The following CACNG3 variants were observed in gnomAD, a reference collection of about 807,000 sequenced individuals.
CACNG3 encodes the protein voltage-dependent calcium channel gamma-3 subunit.
In CACNG3, 3 loss-of-function variants were observed where a neutral mutation model predicts 28.5. That is an observed-to-expected ratio of 0.11 (90% CI 0.05 to 0.27). CACNG3 has a LOEUF of 0.27. Among genes scored for constraint, CACNG3 ranks in the 10% least tolerant of loss-of-function variants. CACNG3 has a pLI of 1.00. For synonymous variants in CACNG3, 174 were observed against 162.2 expected, an observed-to-expected ratio of 1.07 and a Z score of -0.55; for missense variants, 236 against 414.4, an observed-to-expected ratio of 0.57 and a Z score of 3.74.
chr16:24,344,568 G>T (rs1899834679), intron 1 of CACNG3, among the ~76,000 whole-genome samples: 1 of 152,162 alleles, frequency 6.6e-6, no homozygotes, highest in Non-Finnish European at 1.5e-5. Context: ...ATATGAACAA[G>T]CATGAATAAG....
At chr16:24,347,408 A>G (rs889419901) in intron 2 of CACNG3, among the ~76,000 whole-genome samples, 4 of 152,198 alleles carry the variant, frequency 2.6e-5, no homozygotes, top group African/African-American at 9.6e-5. Context: ...GCAGGAAGGA[A>G]GACAGAAAAG....
chr16:24,335,665 A>T (rs939210929), intron 1 of CACNG3, among the ~76,000 whole-genome samples: 2 of 152,164 alleles, frequency 1.3e-5, no homozygotes, highest in Non-Finnish European at 2.9e-5. Flanking sequence ...TCCTCAGCTC[A>T]TCCTATGACC....
intron 1 of CACNG3, among the ~76,000 whole-genome samples, chr16:24,325,579 A>G (rs759447720): frequency 5.3e-5 from 8 of 152,248 alleles, no homozygotes; most frequent in Non-Finnish European, 1.0e-4. Context: ...GAAGGTGCCC[A>G]GTACTGTTAT....
At chr16:24,257,364 G>GGC (rs1898473420) in intron 1 of CACNG3, among the ~76,000 whole-genome samples, 1 of 80,986 alleles carries the variant, frequency 1.2e-5, no homozygotes, top group Non-Finnish European at 2.8e-5. Context: ...AAAGAAGTGA[G>GGC]GGGGGAGAGA....
At chr16:24,332,274 A>G (rs995755605) in intron 1 of CACNG3, among the ~76,000 whole-genome samples, 4 of 152,148 alleles carry the variant, frequency 2.6e-5, no homozygotes, top group African/African-American at 7.2e-5. Context: ...CCAACTGGAC[A>G]ACATAGTGAG....
At chr16:24,323,341 T>C (rs1309477681) in intron 1 of CACNG3, among the ~76,000 whole-genome samples, 1 of 152,054 alleles carries the variant, frequency 6.6e-6, no homozygotes, top group South Asian at 2.1e-4. Context: ...CTGCCTATAC[T>C]AGACCCTAGC....
chr16:24,359,414 C>T (rs1253913599), intron 3 of CACNG3, among the ~76,000 whole-genome samples: 3 of 152,064 alleles, frequency 2.0e-5, no homozygotes, highest in African/African-American at 7.2e-5. Context: ...TGTGTCAAAC[C>T]CCATAATAAG....
chr16:24,280,454 T>C (rs1026885071), intron 1 of CACNG3, among the ~76,000 whole-genome samples: 4 of 152,162 alleles, frequency 2.6e-5, no homozygotes. Flanking sequence ...GATCGTCATT[T>C]CTAATTGTGC....
chr16:24,324,476 G>A (rs998367969), intron 1 of CACNG3, among the ~76,000 whole-genome samples: 1 of 152,082 alleles, frequency 6.6e-6, no homozygotes, highest in Non-Finnish European at 1.5e-5. Context: ...AACACACCAA[G>A]TCTCATTGGC....
intron 1 of CACNG3, among the ~76,000 whole-genome samples, chr16:24,335,818 G>A (rs1456652593): frequency 6.6e-6 from 1 of 152,052 alleles, no homozygotes; most frequent in Non-Finnish European, 1.5e-5. Context: ...GCTCACGCCT[G>A]TAATCTCAGA....
At chr16:24,317,708 G>GA (rs1374325646) in intron 1 of CACNG3, among the ~76,000 whole-genome samples, 1 of 108,500 alleles carries the variant, frequency 9.2e-6, no homozygotes, top group East Asian at 2.7e-4. Context: ...AAGAAAGAAA[G>GA]AAAGAAAAGA....
At chr16:24,326,167 CTTTTTTCTTT>C (rs1899539025) in intron 1 of CACNG3, among the ~76,000 whole-genome samples, 2 of 92,726 alleles carry the variant, frequency 2.2e-5, no homozygotes, top group Non-Finnish European at 2.3e-5. Flanking sequence ...TTTGTTTTTT[CTTTTTTCTTT>C]TTTTTTTTTT....
At chr16:24,303,059 G>T (rs1273150254) in intron 1 of CACNG3, among the ~76,000 whole-genome samples, 3 of 152,064 alleles carry the variant, frequency 2.0e-5, no homozygotes, top group Non-Finnish European at 4.4e-5. Context: ...TTCCCAAAAG[G>T]TTGGGATAAC....
At chr16:24,280,914 T>C (rs568939259) in intron 1 of CACNG3, among the ~76,000 whole-genome samples, 1 of 151,086 alleles carries the variant, frequency 6.6e-6, no homozygotes, top group African/African-American at 2.4e-5. Flanking sequence ...AATAATATGG[T>C]TGTATAACCT....
At chr16:24,257,856 T>A (rs2238496) in intron 1 of CACNG3, among the ~76,000 whole-genome samples, 35,944 of 152,122 alleles carry the variant, frequency 0.24, 4,723 homozygotes, top group Non-Finnish European at 0.31. Flanking sequence ...TTGTAGCCTA[T>A]CACACTATTA....
At chr16:24,257,621 C>A (rs1898484721) in intron 1 of CACNG3, among the ~76,000 whole-genome samples, 1 of 152,100 alleles carries the variant, frequency 6.6e-6, no homozygotes, top group Admixed American at 6.5e-5. Flanking sequence ...CTTATTGATA[C>A]ATGTTTTATT....
chr16:24,320,909 T>A (rs1899446916), intron 1 of CACNG3, among the ~76,000 whole-genome samples: 1 of 151,988 alleles, frequency 6.6e-6, no homozygotes, highest in African/African-American at 2.4e-5. Flanking sequence ...TTTTTTTCAT[T>A]TTGGGTAGAG....
intron 1 of CACNG3, among the ~76,000 whole-genome samples, chr16:24,271,965 C>G (rs537698519): frequency 6.6e-6 from 1 of 152,202 alleles, no homozygotes; most frequent in African/African-American, 2.4e-5. Flanking sequence ...TCTTCAAGTA[C>G]TCGGGGCTGG....
intron 1 of CACNG3, among the ~76,000 whole-genome samples, chr16:24,287,848 C>T (rs1233690927): frequency 1.3e-5 from 2 of 152,116 alleles, no homozygotes; most frequent in Non-Finnish European, 2.9e-5. Flanking sequence ...TGGGCTTATG[C>T]CTGTAATCCC....
Sources: gnomAD v4.1 joint callset for allele counts (sites outside exome capture counted in the v4.1 genomes callset) on GRCh38, gnomAD v4.1.1 for gene constraint, MANE v1.5 for transcripts, NCBI Gene and HGNC (gene_info 2026-07-23, HGNC 2026-07-21) for gene names.